GLIS3: variants seen among roughly 807,000 people sequenced by gnomAD.
GLIS3 encodes zinc finger protein GLIS3.
GLIS3 carries 53 observed loss-of-function variants against 78.6 expected under a neutral mutation model. That is an observed-to-expected ratio of 0.67 (90% CI 0.54 to 0.85). The LOEUF (loss-of-function observed/expected upper bound fraction) is 0.85, where lower values mean the gene tolerates loss of function less well. GLIS3 is among the 40% of genes least tolerant of loss of function. The pLI, the probability that GLIS3 is intolerant of heterozygous loss-of-function variation, is 0.00. For synonymous variants in GLIS3, 684 were observed against 509.9 expected (o/e 1.34, Z -4.60); for missense variants, 1,703 against 1,231.1 (o/e 1.38, Z -5.74).
chr9:3,845,051 CTG>C (rs1452874657), intron 9 of GLIS3, among the ~76,000 whole-genome samples: 1 of 138,616 alleles, frequency 7.2e-6, no homozygotes, highest in Non-Finnish European at 1.6e-5. Flanking sequence ...TCCTAAGAAA[CTG>C]TGCAAAGATA....
chr9:4,028,209 T>G (rs1479008891), intron 4 of GLIS3, among the ~76,000 whole-genome samples: 2 of 152,154 alleles, frequency 1.3e-5, no homozygotes, highest in Non-Finnish European at 2.9e-5. Flanking sequence ...GTATCTTAAA[T>G]TTTCTGGGCC....
At chr9:3,957,489 A>T (rs567636436) in intron 4 of GLIS3, among the ~76,000 whole-genome samples, 1 of 152,356 alleles carries the variant, frequency 6.6e-6, no homozygotes, top group South Asian at 2.1e-4. Context: ...TGGGATTTGC[A>T]TATTGCAGAC....
At chr9:4,202,857 G>C (rs534639297) in intron 2 of GLIS3, among the ~76,000 whole-genome samples, 2 of 152,176 alleles carry the variant, frequency 1.3e-5, no homozygotes, top group Non-Finnish European at 2.9e-5. Flanking sequence ...ACCTCAAACT[G>C]TAAGAATCCT....
At position 4,285,924 on chromosome 9, in the gene GLIS3, C is replaced by A. The variant is rs537005854; in HGVS notation, c.388+114G>T. 343 of 1,298,846 alleles carry A rather than the reference C, an allele frequency of 2.6e-4. 7 individuals are homozygous for A. The South Asian group carries it at 3.0e-3, about 11-fold the overall frequency. 80.5% of individuals were successfully genotyped at this position (1,298,846 alleles called of 1,614,324 possible). On this transcript the variant is annotated intron_variant, in intron 2 of 10. Transcript: ENST00000381971. ...CTATATATCATTATGAGACCATCAT[C>A]TTTGACCCTGACACTGAATCATGTA...
At chr9:4,205,942 T>C (rs1563753885) in intron 2 of GLIS3, among the ~76,000 whole-genome samples, 1 of 152,332 alleles carries the variant, frequency 6.6e-6, no homozygotes, top group East Asian at 1.9e-4. Context: ...CAACAGGATT[T>C]CTTTTTTTTT....
intron 2 of GLIS3, among the ~76,000 whole-genome samples, chr9:4,280,871 C>G (rs1436242167): frequency 6.6e-6 from 1 of 152,086 alleles, no homozygotes; most frequent in African/African-American, 2.4e-5. Context: ...TGGCCAACCA[C>G]TAGCAGCAAG....
At chr9:4,469,182 T>A in the GLIS3 span, among the ~76,000 whole-genome samples, 1 of 152,102 alleles carries the variant, frequency 6.6e-6, no homozygotes, top group Non-Finnish European at 1.5e-5. Flanking sequence ...TACACAATAA[T>A]AATGGGAGAC....
intron 4 of GLIS3, among the ~76,000 whole-genome samples, chr9:4,086,049 T>G (rs1279708935): frequency 6.6e-6 from 1 of 152,268 alleles, no homozygotes; most frequent in Non-Finnish European, 1.5e-5. Flanking sequence ...TTTTAACCAT[T>G]TCTTTGTCCT....
In GLIS3 at chr9:4,335,590, C is replaced by T. The variant is rs149497886; in HGVS notation, n.264+11491G>A. 6.6e-3 allele frequency among the ~76,000 whole-genome samples: 998 copies of T among 152,266 alleles called. 10 individuals are homozygous for T. Among genetic ancestry groups the T allele is most frequent in the African/African-American group, 0.022 (907 of 41,548 alleles). The stretch of plus-strand genomic sequence containing the variant: ...TCTCCCTCACCAGCCCTGGGGATGG[C>T]GTTAACCTAGCTTACACCTGGCATC... On this transcript the variant is annotated intron_variant and non_coding_transcript_variant, in intron 2 of 4. Coordinates refer to the GLIS3 transcript ENST00000471664.
At chr9:4,255,660 G>A (rs1431154681) in intron 2 of GLIS3, among the ~76,000 whole-genome samples, 1 of 152,150 alleles carries the variant, frequency 6.6e-6, no homozygotes, top group Admixed American at 6.5e-5. Context: ...TTTTGGAAAA[G>A]GCAAAACTAT....
At chr9:4,078,631 G>A (rs557144137) in intron 4 of GLIS3, among the ~76,000 whole-genome samples, 2 of 152,276 alleles carry the variant, frequency 1.3e-5, no homozygotes, top group South Asian at 2.1e-4. Flanking sequence ...GTAAAGCGGT[G>A]GAGAAACCAT....
intron 4 of GLIS3, among the ~76,000 whole-genome samples, chr9:4,072,211 T>C (rs563141166): frequency 1.3e-5 from 2 of 152,362 alleles, no homozygotes; most frequent in South Asian, 4.1e-4. Flanking sequence ...ATCTCCTTTC[T>C]TAGAGGTCAC....
intron 2 of GLIS3, among the ~76,000 whole-genome samples, chr9:4,138,117 A>G (rs950591079): frequency 3.9e-5 from 6 of 152,232 alleles, no homozygotes; most frequent in Non-Finnish European, 5.9e-5. Context: ...CATCTAATTT[A>G]ATAGGCTTAG....
chr9:3,954,159 T>C (rs1816929194), intron 4 of GLIS3, among the ~76,000 whole-genome samples: 2 of 152,240 alleles, frequency 1.3e-5, no homozygotes, highest in South Asian at 2.1e-4. Flanking sequence ...TAAATATTCA[T>C]TGATTTTTCC....
chr9:3,981,605 T>C (rs1007140451), intron 4 of GLIS3, among the ~76,000 whole-genome samples: 2 of 152,176 alleles, frequency 1.3e-5, no homozygotes, highest in Non-Finnish European at 2.9e-5. Flanking sequence ...GAATGTCCCA[T>C]GCCAAACACA....
intron 9 of GLIS3, among the ~76,000 whole-genome samples, chr9:3,848,487 AG>A (rs1819204872): frequency 6.6e-6 from 1 of 152,234 alleles, no homozygotes; most frequent in South Asian, 2.1e-4. Flanking sequence ...GGACGACAAG[AG>A]CGAAACTCTG....
At chr9:3,908,215 G>C (rs1403200187) in intron 6 of GLIS3, among the ~76,000 whole-genome samples, 1 of 152,160 alleles carries the variant, frequency 6.6e-6, no homozygotes, top group African/African-American at 2.4e-5. Flanking sequence ...TTTGCTGCTT[G>C]TTACTGTATA....
chr9:3,938,777 C>G (rs995028608), intron 4 of GLIS3, among the ~76,000 whole-genome samples: 3 of 152,180 alleles, frequency 2.0e-5, no homozygotes, highest in Middle Eastern at 3.4e-3. Context: ...GCTGACGAAG[C>G]CAACTACTTT....
At chr9:4,099,217 T>C (rs1424373715) in intron 4 of GLIS3, among the ~76,000 whole-genome samples, 1 of 152,224 alleles carries the variant, frequency 6.6e-6, no homozygotes, top group Non-Finnish European at 1.5e-5. Flanking sequence ...ATGCATCGTC[T>C]TTAATGGGTG....
Sources: allele counts gnomAD v4.1 joint callset (sites outside exome capture counted in the v4.1 genomes callset), GRCh38; gene constraint gnomAD v4.1.1; transcripts MANE v1.5; gene names NCBI Gene and HGNC (gene_info 2026-07-23, HGNC 2026-07-21).